The following PCDHGA6 variants were observed in gnomAD, a reference collection of about 807,000 sequenced individuals.
PCDHGA6 encodes the protein protocadherin gamma subfamily A, 6.
PCDHGA6 carries 41 observed loss-of-function variants against 60.6 expected under a neutral mutation model. That is an observed-to-expected ratio of 0.68 (90% CI 0.53 to 0.88). The LOEUF is 0.88. Ranked by LOEUF, PCDHGA6 falls within the 40% of genes least tolerant of loss-of-function variation. The pLI is 0.00. For synonymous variants in PCDHGA6, 594 were observed against 524.4 expected (o/e 1.13, Z -1.81); for missense variants, 1,312 against 1,203.0 (o/e 1.09, Z -1.34).
chr5:141,428,857 A>C (rs2097165548), intron 1 of PCDHGA6: 1 of 140,386 alleles, frequency 7.1e-6, no homozygotes, highest in Non-Finnish European at 1.5e-5. Context: ...TTTTTACGGG[A>C]GACTTTTTTT....
intron 1 of PCDHGA6, chr5:141,388,574 T>C (rs372294800): frequency 6.2e-7 from 1 of 1,613,724 alleles, no homozygotes; most frequent in East Asian, 2.2e-5. Flanking sequence ...AGATACACGT[T>C]CTAGTGACTG....
rs1485669709 is a variant in PCDHGA6 at position 141,432,989 on chromosome 5, G to A, written c.2424+56482G>A. On this transcript the variant is annotated intron_variant, in intron 1 of 3. Coordinates refer to ENST00000517434, the MANE Select transcript of PCDHGA6 (RefSeq NM_018919.3). The surrounding 1 kb of genome is among the most constrained non-coding windows in gnomAD (Gnocchi z 6.0). ...GCCGGCGTCGCACTTTGTGGGCGTG[G>A]ACGGGGTGCAGGCTTTCCTGCAGAC... The A allele has an allele frequency of 1.9e-6, 3 of 1,614,210 alleles. No individual in the cohort carries two copies. The highest frequency in any genetic ancestry group is 1.3e-5 in the African/African-American group (1 of 75,066).
chr5:141,423,765 G>A (rs775053869), intron 1 of PCDHGA6: 11 of 233,406 alleles, frequency 4.7e-5, no homozygotes, highest in Admixed American at 1.2e-4. Context: ...GGGGGGTGGG[G>A]CGGCATATAT....
chr5:141,417,034 T>C (rs1408752235), intron 1 of PCDHGA6: 1 of 151,548 alleles, frequency 6.6e-6, no homozygotes, highest in Non-Finnish European at 1.5e-5. Context: ...ACAGGTTTTT[T>C]TTTTAAAAAA....
At chr5:141,480,398 G>C (rs2099518275) in intron 1 of PCDHGA6, among the ~76,000 whole-genome samples, 1 of 149,050 alleles carries the variant, frequency 6.7e-6, no homozygotes, top group Non-Finnish European at 1.5e-5. Context: ...CATGGCAATA[G>C]AGTGAGACCC....
At chr5:141,388,536 G>A (rs1262935958) in intron 1 of PCDHGA6, 1 of 1,613,716 alleles carries the variant, frequency 6.2e-7, no homozygotes, top group Non-Finnish European at 8.5e-7. Context: ...CTTGGACTTT[G>A]GAGCTCCACC....
chr5:141,426,559 C>T (rs1401963895), intron 1 of PCDHGA6: 1 of 353,038 alleles, frequency 2.8e-6, no homozygotes, highest in Non-Finnish European at 5.6e-6. Context: ...CAGAATAGAT[C>T]GAGAGTCACT....
At position 141,431,636 on chromosome 5, in the gene PCDHGA6, A is replaced by C; in HGVS notation, c.2424+55129A>C. 1 of 1,614,254 alleles carries C rather than the reference A, an allele frequency of 6.2e-7. No individual in the cohort carries two copies. On this transcript the variant is annotated intron_variant, in intron 1 of 3. Transcript: ENST00000517434. This position sits in a 1 kb window ranked among gnomAD's most constrained non-coding sequence, Gnocchi z 4.8. ...GGACGACAAGGCGGCCCAAGTTTTC[A>C]AACTAGATTGTAATTCAGGGACAAT... is the stretch of plus-strand genomic sequence containing the variant.
At chr5:141,415,935 C>T (rs2095972319) in intron 1 of PCDHGA6, 1 of 601,888 alleles carries the variant, frequency 1.7e-6, no homozygotes, top group Non-Finnish European at 2.4e-6. Flanking sequence ...TTTATATTTC[C>T]TCCTGGGTGG....
At position 141,374,554 on chromosome 5, in the gene PCDHGA6, C is replaced by G. The variant is rs1412584015; in HGVS notation, c.471C>G (p.Val157=). The G allele has an allele frequency of 6.2e-7, 1 of 1,613,560 alleles. No individual in the cohort carries two copies. Among genetic ancestry groups the G allele is most frequent in the African/African-American group, 1.3e-5 (1 of 74,948 alleles). Residue 157 remains valine, a synonymous_variant, in exon 1 of 4, where the codon GTC becomes GTG. Transcript: ENST00000517434. ...APSSRFPLME[V]YDPDVGMNSL... is the part of the protein sequence containing the mutation. ...CCTCTCGTTTTCCACTAATGGAGGT[C>G]TATGACCCTGATGTGGGAATGAACT... is the stretch of plus-strand genomic sequence containing the variant.
chr5:141,426,394 A>G (rs1353766048), intron 1 of PCDHGA6: 1 of 258,122 alleles, frequency 3.9e-6, no homozygotes, highest in African/African-American at 2.2e-5. Flanking sequence ...CCGCTACTCT[A>G]TTCCAGAAGA....
At chr5:141,415,884 A>C in intron 1 of PCDHGA6, 1 of 981,534 alleles carries the variant, frequency 1.0e-6, no homozygotes, top group Non-Finnish European at 1.4e-6. Context: ...TACAATATTG[A>C]CAATTCCTAA....
Position 141,397,017 on chromosome 5 carries a change from G to T in PCDHGA6, c.2424+20510G>T, listed in dbSNP as rs149652099. On this transcript the variant is annotated intron_variant, in intron 1 of 3. Transcript: ENST00000517434. ...TAATCTGACAAATGGACTAAAGAAG[G>T]TTGACCAATGTCCACAAATTTATGT... Among the ~76,000 whole-genome samples, 399 of 152,296 alleles carry T rather than the reference G, an allele frequency of 2.6e-3. 1 individual carries two copies. Among genetic ancestry groups the T allele is most frequent in the Non-Finnish European group, 4.1e-3 (279 of 68,028 alleles).
Position 141,432,110 on chromosome 5 carries a change from G to T in PCDHGA6, c.2424+55603G>T, listed in dbSNP as rs768038692. The T allele has an allele frequency of 6.2e-7, 1 of 1,614,108 alleles. No homozygotes were observed. Among genetic ancestry groups the T allele is most frequent in the Non-Finnish European group, 8.5e-7 (1 of 1,180,036 alleles). ...GGCAGACACCAACGACAACCCGCCG[G>T]TCTTCCCTCAGGCCTCCTATTCCGC... On this transcript the variant is annotated intron_variant, in intron 1 of 3. Coordinates refer to ENST00000517434, the MANE Select transcript of PCDHGA6 (RefSeq NM_018919.3). The surrounding 1 kb of genome is among the most constrained non-coding windows in gnomAD (Gnocchi z 6.0).
intron 1 of PCDHGA6, chr5:141,418,120 G>A: frequency 6.2e-7 from 1 of 1,614,084 alleles, no homozygotes; most frequent in Non-Finnish European, 8.5e-7. Context: ...TACTTGTGAA[G>A]GACCGAATAG....
rs1441582051 is a variant in PCDHGA6, at chr5:141,487,416, G to A, written c.2425-7391G>A. 1 of 1,614,088 alleles carries A rather than the reference G, an allele frequency of 6.2e-7. No individual in the cohort carries two copies. Among genetic ancestry groups the A allele is most frequent in the Admixed American group, 1.7e-5 (1 of 60,024 alleles). On this transcript the variant is annotated intron_variant, in intron 1 of 3. Coordinates refer to ENST00000517434, the MANE Select transcript of PCDHGA6 (RefSeq NM_018919.3). The surrounding 1 kb of genome is among the most constrained non-coding windows in gnomAD (Gnocchi z 5.0). ...AGGGAGGGGCTTCCCCCTTCCAATGGGATCCTCCGAATCCAGCTAGGGTCA... is the reference window on the plus strand; with the variant it reads ...AGGGAGGGGCTTCCCCCTTCCAATGAGATCCTCCGAATCCAGCTAGGGTCA...
intron 1 of PCDHGA6, chr5:141,442,491 T>G (rs1438583747): frequency 6.6e-6 from 1 of 152,236 alleles, no homozygotes; most frequent in Non-Finnish European, 1.5e-5. Flanking sequence ...AGGGGATGAT[T>G]GTGATTATTC....
chr5:141,422,117 C>A, intron 1 of PCDHGA6: 1 of 1,604,272 alleles, frequency 6.2e-7, no homozygotes, highest in East Asian at 2.2e-5. Context: ...CAATTGGATT[C>A]ACAAACTGGA....
intron 1 of PCDHGA6, among the ~76,000 whole-genome samples, chr5:141,445,929 A>G (rs1388363296): frequency 6.6e-6 from 1 of 152,208 alleles, no homozygotes; most frequent in Non-Finnish European, 1.5e-5. Context: ...AAGATATTTG[A>G]ATTATTAAGC....
Sources: allele counts gnomAD v4.1 joint callset (sites outside exome capture counted in the v4.1 genomes callset), GRCh38; gene constraint gnomAD v4.1.1; non-coding constraint Gnocchi (gnomAD v3.1); transcripts MANE v1.5; gene names NCBI Gene and HGNC (gene_info 2026-07-23, HGNC 2026-07-21).